IL1RL2: variants seen among roughly 807,000 people sequenced by gnomAD.
IL1RL2 encodes interleukin-1 receptor-like 2.
A neutral mutation model predicts 66.8 loss-of-function variants in IL1RL2; 68 were observed. That is an observed-to-expected ratio of 1.02 (90% CI 0.84 to 1.25). The LOEUF (loss-of-function observed/expected upper bound fraction) is 1.25. IL1RL2 is among the 50% of genes most tolerant of loss of function. The probability of loss-of-function intolerance (pLI) is 0.00; values close to 1 mark genes in which losing one functional copy is unlikely to be tolerated. For missense variants in IL1RL2, 729 were observed against 709.3 expected (o/e 1.03, Z -0.32); for synonymous variants, 305 against 264.6 (o/e 1.15, Z -1.48).
intron 4 of IL1RL2, among the ~76,000 whole-genome samples, chr2:102,200,003 A>T (rs1688106979): frequency 6.6e-6 from 1 of 152,020 alleles, no homozygotes; most frequent in South Asian, 2.1e-4. Context: ...TACTAAAAAA[A>T]CAAAAAATTG....
rs936688930 is a variant in IL1RL2, at chr2:102,206,209, A to G, written c.649+4494A>G. Among the ~76,000 whole-genome samples, 5 of 152,242 alleles carry G rather than the reference A, an allele frequency of 3.3e-5. No individual in the cohort carries two copies. The South Asian group carries it at 1.0e-3, about 32-fold the overall frequency. On this transcript the variant is annotated intron_variant, in intron 5 of 11. Coordinates refer to ENST00000264257, the MANE Select transcript of IL1RL2 (RefSeq NM_003854.4). ...AGCTATTTTGAATTCTCTGACTGAAACATCACATATCTCTGTTCCTTCAGG... is the reference window on the plus strand; with the variant it reads ...AGCTATTTTGAATTCTCTGACTGAAGCATCACATATCTCTGTTCCTTCAGG...
At chr2:102,217,751 C>T (rs1689736771) in intron 6 of IL1RL2, among the ~76,000 whole-genome samples, 1 of 151,980 alleles carries the variant, frequency 6.6e-6, no homozygotes, top group African/African-American at 2.4e-5. Flanking sequence ...GAAACTAGAC[C>T]CCTATCTTTT....
chr2:102,197,395 T>C (rs1030103787), intron 4 of IL1RL2, among the ~76,000 whole-genome samples: 3 of 152,170 alleles, frequency 2.0e-5, no homozygotes, highest in Non-Finnish European at 2.9e-5. Flanking sequence ...AAATGATACC[T>C]GAAAGAGCTT....
chr2:102,225,775 T>C (rs573287610), intron 8 of IL1RL2, 123 bp from the exon 9 acceptor site: 7 of 664,994 alleles, frequency 1.1e-5, no homozygotes, highest in East Asian at 7.0e-5. Context: ...AGTGCCCTCA[T>C]TGACATCCAA....
intron 9 of IL1RL2, among the ~76,000 whole-genome samples, chr2:102,230,042 A>T (rs888843667): frequency 2.0e-5 from 3 of 152,212 alleles, no homozygotes; most frequent in Admixed American, 2.0e-4. Context: ...GGTCTGGGAC[A>T]AGTGGCAATA....
rs529166701 is a variant in IL1RL2 at position 102,190,709 on chromosome 2, C to T, written c.294-1216C>T. Reference sequence around the variant, plus strand: ...TGGAGGTCTGCTGTCCTATTTTAGCCTAGGCTGTGAATTATTAACTAGTAG... The same window carrying T: ...TGGAGGTCTGCTGTCCTATTTTAGCTTAGGCTGTGAATTATTAACTAGTAG... On this transcript the variant is annotated intron_variant, in intron 3 of 11. Transcript: ENST00000264257. Among the ~76,000 whole-genome samples, 10 of 152,312 alleles carry T rather than the reference C, an allele frequency of 6.6e-5. No individual in the cohort carries two copies. The South Asian group carries it at 2.1e-3, about 32-fold the overall frequency.
At chr2:102,235,936 T>A in intron 11 of IL1RL2, 1 of 985,292 alleles carries the variant, frequency 1.0e-6, no homozygotes, top group South Asian at 4.7e-5. Flanking sequence ...TTTGAGAGGC[T>A]TTATCTGTCA....
At chr2:102,207,833 C>G (rs1290387181) in intron 5 of IL1RL2, among the ~76,000 whole-genome samples, 9 of 152,140 alleles carry the variant, frequency 5.9e-5, no homozygotes, top group African/African-American at 9.7e-5. Context: ...TCCCTGTGGC[C>G]CAGACTGCCT....
chr2:102,240,828 A>G (rs1675210859), downstream of IL1RL2, among the ~76,000 whole-genome samples: 2 of 152,256 alleles, frequency 1.3e-5, no homozygotes, highest in African/African-American at 4.8e-5. Context: ...GTAGAAGTGA[A>G]CATAATTTCC....
At chr2:102,217,810 C>G (rs1008511381) in intron 6 of IL1RL2, among the ~76,000 whole-genome samples, 1 of 152,074 alleles carries the variant, frequency 6.6e-6, no homozygotes, top group African/African-American at 2.4e-5. Flanking sequence ...TAAATATAAG[C>G]CTGAAACTAT....
chr2:102,225,800 G>A, intron 8 of IL1RL2, 98 bp from the exon 9 acceptor site: 3 of 907,594 alleles, frequency 3.3e-6, no homozygotes, highest in East Asian at 3.3e-5. Flanking sequence ...TTTCCATTTG[G>A]CATTCATAAT....
chr2:102,241,208 C>G (rs1017304740), downstream of IL1RL2, among the ~76,000 whole-genome samples: 3 of 152,332 alleles, frequency 2.0e-5, no homozygotes, highest in East Asian at 3.9e-4. Flanking sequence ...GGAGATAGTG[C>G]CATTTTCGAA....
Position 102,233,028 on chromosome 2 carries a change from G to T in IL1RL2, c.1201G>T (p.Val401Leu), listed in dbSNP as rs374580966. ...KPHKESQRHAVDALVLNILPE... is the reference protein window; with the variant it reads ...KPHKESQRHALDALVLNILPE... Reference sequence around the variant, plus strand: ...CCACAAGGAAAGCCAGAGGCATGCCGTGGATGCCCTGGTGTTGAATATCCT... The same window carrying T: ...CCACAAGGAAAGCCAGAGGCATGCCTTGGATGCCCTGGTGTTGAATATCCT... Residue 401 changes from valine (V) to leucine (L), a missense_variant, in exon 10 of 12, where the codon GTG becomes TTG. Physicochemically the swap from Val to Leu is conservative, Grantham distance 32. Coordinates refer to ENST00000264257, the MANE Select transcript of IL1RL2 (RefSeq NM_003854.4). 11 of 1,613,992 alleles carry T rather than the reference G, an allele frequency of 6.8e-6. No individual in the cohort carries two copies. The highest frequency in any genetic ancestry group is 1.6e-4 in the Middle Eastern group (1 of 6,084).
intron 8 of IL1RL2, among the ~76,000 whole-genome samples, chr2:102,223,494 T>C (rs775089157): frequency 6.6e-6 from 1 of 152,212 alleles, no homozygotes; most frequent in African/African-American, 2.4e-5. Flanking sequence ...GGACATCTAG[T>C]ACATCAACAG....
At chr2:102,197,257 T>C (rs1687867356) in intron 4 of IL1RL2, among the ~76,000 whole-genome samples, 2 of 152,024 alleles carry the variant, frequency 1.3e-5, no homozygotes, top group African/African-American at 4.8e-5. Flanking sequence ...AGGAGAGGGA[T>C]GAAGGGATCC....
At chr2:102,197,288 G>T (rs1045810044) in intron 4 of IL1RL2, among the ~76,000 whole-genome samples, 1 of 152,164 alleles carries the variant, frequency 6.6e-6, no homozygotes, top group African/African-American at 2.4e-5. Context: ...GTCTTTGCAG[G>T]TGAAGATGCT....
At chr2:102,210,521 G>C (rs934242296) in intron 5 of IL1RL2, among the ~76,000 whole-genome samples, 2 of 152,180 alleles carry the variant, frequency 1.3e-5, no homozygotes, top group South Asian at 4.1e-4. Flanking sequence ...CGCAGGTAAG[G>C]CATGAAGGCA....
At chr2:102,212,925 C>T (rs1689300239) in intron 6 of IL1RL2, among the ~76,000 whole-genome samples, 1 of 152,004 alleles carries the variant, frequency 6.6e-6, no homozygotes, top group African/African-American at 2.4e-5. Flanking sequence ...GCCGAGATCG[C>T]GCCACTGCAC....
At chr2:102,213,189 C>T (rs920729227) in intron 6 of IL1RL2, among the ~76,000 whole-genome samples, 2 of 152,122 alleles carry the variant, frequency 1.3e-5, no homozygotes, top group African/African-American at 4.8e-5. Flanking sequence ...TTAACATACT[C>T]TTGCTTTGAG....
Sources: gnomAD v4.1 joint callset for allele counts (sites outside exome capture counted in the v4.1 genomes callset) on GRCh38, gnomAD v4.1.1 for gene constraint, MANE v1.5 for transcripts, NCBI Gene and HGNC (gene_info 2026-07-23, HGNC 2026-07-21) for gene names.